Variants in CIBAR2 observed in about 807,000 individuals in gnomAD.
CIBAR2 encodes CBY1-interacting BAR domain-containing protein 2.
A neutral mutation model predicts 36.2 loss-of-function variants in CIBAR2; 38 were observed. The ratio of observed to expected loss-of-function variants is 1.05; its 90% CI spans 0.81 to 1.38. CIBAR2 has a LOEUF of 1.38. Ranked by LOEUF, CIBAR2 falls within the 40% of genes most tolerant of loss-of-function variation. CIBAR2 has a pLI of 0.00. For missense variants in CIBAR2, 481 were observed against 383.4 expected (o/e 1.25, Z -2.13); for synonymous variants, 182 against 149.5 (o/e 1.22, Z -1.58).
At chr16:85,110,498 A>C in intron 1 of CIBAR2, 38 bp from the exon 2 acceptor site, 1 of 1,475,268 alleles carries the variant, frequency 6.8e-7, no homozygotes, top group Non-Finnish European at 9.3e-7. Context: ...TTCTGGGCAG[A>C]GATGCAGGGC....
At position 85,099,172 on chromosome 16, in the gene CIBAR2, T is replaced by C; in HGVS notation, c.*13A>G. 2.6e-6 allele frequency: 4 copies of C among 1,534,642 alleles called. No individual in the cohort carries two copies. The highest frequency in any genetic ancestry group is 3.5e-6 in the Non-Finnish European group (4 of 1,143,338). On this transcript the variant is annotated 3_prime_UTR_variant, in exon 9 of 9. Coordinates refer to ENST00000539556, the MANE Select transcript of CIBAR2 (RefSeq NM_198491.3). Reference sequence around the variant, plus strand: ...TATTTTAAACGGCTTGGGATTGCACTTACCCTACGTCGTTAGAGAGAATGT... The same window carrying C: ...TATTTTAAACGGCTTGGGATTGCACCTACCCTACGTCGTTAGAGAGAATGT...
chr16:85,098,641 TC>T lies in CIBAR2; in HGVS notation c.*543del. 1.0e-6 allele frequency: 1 copy of T among 985,618 alleles called. No individual in the cohort carries two copies. Among genetic ancestry groups the T allele is most frequent in the Non-Finnish European group, 1.2e-6 (1 of 829,766 alleles). The allele number at this position is 985,618 out of a possible 1,614,324, so 61.1% of individuals were successfully genotyped here. A position where few individuals can be genotyped will look rare whatever the true frequency, so the allele number is the denominator to read the frequency against. ...CTCCATGGAGTTGTCCTCACTCTCCTCCCCTTCTTTTCCTGGGCTCCATATG... is the reference window on the plus strand; with the variant it reads ...CTCCATGGAGTTGTCCTCACTCTCCTCCCTTCTTTTCCTGGGCTCCATATG... On this transcript the variant is annotated 3_prime_UTR_variant, in exon 9 of 9. Coordinates refer to ENST00000539556, the MANE Select transcript of CIBAR2 (RefSeq NM_198491.3).
At chr16:85,110,787 C>T (rs964405975) in intron 1 of CIBAR2, among the ~76,000 whole-genome samples, 2 of 148,288 alleles carry the variant, frequency 1.3e-5, no homozygotes, top group African/African-American at 5.1e-5. Context: ...TTACTGCAAC[C>T]TCTGCCTCCT....
At chr16:85,101,010 C>T (rs2073951380) in intron 7 of CIBAR2, among the ~76,000 whole-genome samples, 1 of 151,396 alleles carries the variant, frequency 6.6e-6, no homozygotes, top group African/African-American at 2.4e-5. Flanking sequence ...AGTGCCACTG[C>T]ACTCCAGCCT....
intron 2 of CIBAR2, among the ~76,000 whole-genome samples, chr16:85,109,871 A>T (rs1426948789): frequency 1.3e-5 from 2 of 152,084 alleles, no homozygotes; most frequent in African/African-American, 4.8e-5. Context: ...TATTTCCTGA[A>T]CACCCTGCAG....
In CIBAR2 at chr16:85,105,402, C is replaced by T. The variant is rs373732504; in HGVS notation, c.462G>A (p.Val154=). The part of the protein sequence containing the change: ...QAETRVQRAA[V]DSSRTTLQLE... ...GCTGGAGGGTGGTGCGGCTGGAGTC[C>T]ACAGCGGCCCTCTGCACTCTGGTCT... The change falls in exon 6 of 9, where the codon GTG becomes GTA. Residue 154 remains valine, a synonymous_variant. Coordinates refer to ENST00000539556, the MANE Select transcript of CIBAR2 (RefSeq NM_198491.3). 4 of 1,613,682 alleles carry T rather than the reference C, an allele frequency of 2.5e-6. No individual in the cohort carries two copies. The African/African-American group carries it at 4.0e-5, about 16-fold the overall frequency.
At chr16:85,109,819 G>C (rs1035124679) in intron 2 of CIBAR2, among the ~76,000 whole-genome samples, 4 of 152,094 alleles carry the variant, frequency 2.6e-5, no homozygotes, top group Admixed American at 1.3e-4. Context: ...TACAATTCAT[G>C]GTGAGGAGTT....
At chr16:85,103,784 G>T (rs1211664842) in intron 6 of CIBAR2, among the ~76,000 whole-genome samples, 1 of 152,244 alleles carries the variant, frequency 6.6e-6, no homozygotes, top group Non-Finnish European at 1.5e-5. Flanking sequence ...CCTGGACCCT[G>T]GTGGCTGGGA....
chr16:85,107,976 G>A (rs753740199), intron 3 of CIBAR2, 29 bp from the exon 4 acceptor site: 2 of 1,613,372 alleles, frequency 1.2e-6, no homozygotes, highest in African/African-American at 2.7e-5. Context: ...GTTGTTTCCT[G>A]GGATCCCACA....
In CIBAR2 at chr16:85,104,212, G is replaced by A. The variant is rs535431548; in HGVS notation, c.537+1115C>T. ...AAGGAGAAGGAGGCACCGACTGGAC[G>A]CAGATCAAGGCACAACCCTGCAAAG... On this transcript the variant is annotated intron_variant, in intron 6 of 8. Coordinates refer to ENST00000539556, the MANE Select transcript of CIBAR2 (RefSeq NM_198491.3). 8.5e-5 allele frequency among the ~76,000 whole-genome samples: 13 copies of A among 152,332 alleles called. No individual in the cohort carries two copies. In the South Asian group the frequency reaches 2.1e-3, roughly 24 times the overall value.
intron 6 of CIBAR2, 107 bp downstream of exon 6, chr16:85,105,220 C>A (rs777958858): frequency 1.2e-4 from 86 of 691,260 alleles, no homozygotes; most frequent in Admixed American, 3.9e-4. Context: ...GTACACAGAC[C>A]CATACACACT....
At chr16:85,111,559 A>C (rs2074042859) in intron 1 of CIBAR2, among the ~76,000 whole-genome samples, 1 of 152,146 alleles carries the variant, frequency 6.6e-6, no homozygotes, top group African/African-American at 2.4e-5. Context: ...TTAAAAACAC[A>C]TCCAGGCTGG....
At chr16:85,106,477 G>A (rs1286401014) in intron 5 of CIBAR2, among the ~76,000 whole-genome samples, 2 of 152,134 alleles carry the variant, frequency 1.3e-5, no homozygotes, top group African/African-American at 4.8e-5. Flanking sequence ...TACAAGCAGT[G>A]CAATCAAAGG....
Position 85,098,824 on chromosome 16 carries a change from G to T in CIBAR2, c.*361C>A, listed in dbSNP as rs545789609. ...TCTGATACTCAGCACAGCCCTACAC[G>T]GAGGTTACTGTTCTAAGCCACTCTG... On this transcript the variant is annotated 3_prime_UTR_variant, in exon 9 of 9. Transcript: ENST00000539556. The T allele has an allele frequency of 1.3e-5, 3 of 223,882 alleles. No individual in the cohort carries two copies. Among genetic ancestry groups the T allele is most frequent in the Non-Finnish European group, 2.3e-5 (3 of 129,774 alleles). 13.9% of individuals were successfully genotyped at this position (223,882 alleles called of 1,614,324 possible).
In CIBAR2 at chr16:85,100,908, G is replaced by A. The variant is rs768688578; in HGVS notation, c.652-668C>T. On this transcript the variant is annotated intron_variant, in intron 7 of 8. Coordinates refer to ENST00000539556, the MANE Select transcript of CIBAR2 (RefSeq NM_198491.3). The stretch of plus-strand genomic sequence containing the variant: ...TAAAAATACATAACATTAGCTGGGC[G>A]TGATGGAGGGCGCCTGTAGTCCCAG... 5.3e-5 allele frequency among the ~76,000 whole-genome samples: 8 copies of A among 152,294 alleles called. No homozygotes were observed. In the East Asian group the frequency reaches 5.8e-4, roughly 11 times the overall value.
rs368500243 is a variant in CIBAR2 at position 85,105,471 on chromosome 16, G to T, written c.433-40C>A. On this transcript the variant is annotated intron_variant, in intron 5 of 8. Transcript: ENST00000539556. ...ACAAGACGTAGAAAGTGTCATGGGG[G>T]TGCTTCTGGCCCTTAGACACCTTTC... is the stretch of plus-strand genomic sequence containing the variant. 4.7e-5 allele frequency: 69 copies of T among 1,479,840 alleles called. 1 individual carries two copies. In the South Asian group the frequency reaches 4.9e-4, roughly 10 times the overall value. 91.7% of individuals were successfully genotyped at this position (1,479,840 alleles called of 1,614,324 possible).
intron 5 of CIBAR2, among the ~76,000 whole-genome samples, 196 bp downstream of exon 5, chr16:85,107,471 T>C (rs947349010): frequency 2.0e-5 from 3 of 152,082 alleles, no homozygotes; most frequent in Non-Finnish European, 2.9e-5. Context: ...GGACTGATGG[T>C]ATCAATAATG....
rs1382100262 is a variant in CIBAR2, at chr16:85,110,226, C to T, written c.255G>A (p.Gln85=). ...CCAGACCCGGGCCGGCAGCACTCAC[C>T]TGGGCCTGCCGGTAATCCTGCACTT... ...LAKVQDYRQA[Q]VERLETKVVN... is the part of the protein sequence containing the mutation. Residue 85 remains glutamine (Q), a splice_region_variant and synonymous_variant, in exon 2 of 9, where the codon CAG becomes CAA. Transcript: ENST00000539556. The T allele has an allele frequency of 1.3e-6, 2 of 1,557,734 alleles. No individual in the cohort carries two copies. Among genetic ancestry groups the T allele is most frequent in the African/African-American group, 1.4e-5 (1 of 73,602 alleles).
At chr16:85,112,275 G>A (rs887603972) in intron 1 of CIBAR2, 58 bp downstream of exon 1, 70 of 1,354,558 alleles carry the variant, frequency 5.2e-5, no homozygotes, top group Non-Finnish European at 6.3e-5. Context: ...TTGGTGCCCC[G>A]GGCCTCAAAA....
Sources: gnomAD v4.1 joint callset for allele counts (sites outside exome capture counted in the v4.1 genomes callset) on GRCh38, gnomAD v4.1.1 for gene constraint, MANE v1.5 for transcripts, NCBI Gene and HGNC (gene_info 2026-07-23, HGNC 2026-07-21) for gene names.